Variants in CAMK4 observed in about 807,000 individuals in gnomAD.
CAMK4 encodes calcium/calmodulin-dependent protein kinase type IV.
In CAMK4, 22 loss-of-function variants were observed where a neutral mutation model predicts 44.9. The observed-to-expected ratio is 0.49, with a 90% CI of 0.35 to 0.70. The LOEUF (loss-of-function observed/expected upper bound fraction) is 0.70. Ranked by LOEUF, CAMK4 falls within the 30% of genes least tolerant of loss-of-function variation. CAMK4 has a pLI of 0.01. For missense variants in CAMK4, 498 were observed against 586.8 expected, an observed-to-expected ratio of 0.85 and a Z score of 1.56; for synonymous variants, 218 against 215.4, an observed-to-expected ratio of 1.01 and a Z score of -0.11.
At chr5:111,414,016 G>A (rs1304740275) in intron 5 of CAMK4, among the ~76,000 whole-genome samples, 2 of 151,960 alleles carry the variant, frequency 1.3e-5, no homozygotes, top group East Asian at 1.9e-4. Context: ...TTATGATAGC[G>A]AGAACACTAT....
At position 111,488,712 on chromosome 5, in the gene CAMK4, T is replaced by A. The variant is rs530491855; in HGVS notation, c.*4246T>A. On this transcript the variant is annotated 3_prime_UTR_variant, in exon 11 of 11. Transcript: ENST00000282356. The stretch of plus-strand genomic sequence containing the variant: ...ACTTAGTAAGCCATTTATTTTGTTT[T>A]AGAATTGTTTTTGCAAAGCAAATTT... The A allele has an allele frequency of 2.6e-5, 4 of 152,226 alleles. No homozygotes were observed. Among genetic ancestry groups the A allele is most frequent in the Non-Finnish European group, 4.4e-5 (3 of 68,032 alleles). 9.4% of individuals were successfully genotyped at this position (152,226 alleles called of 1,614,324 possible).
At chr5:111,273,737 A>C (rs1750638030) in intron 1 of CAMK4, among the ~76,000 whole-genome samples, 1 of 139,548 alleles carries the variant, frequency 7.2e-6, no homozygotes, top group African/African-American at 2.7e-5. Context: ...ATACATACAC[A>C]CACACACGCT....
intron 1 of CAMK4, among the ~76,000 whole-genome samples, chr5:111,312,018 C>T (rs1222434656): frequency 6.6e-6 from 1 of 152,186 alleles, no homozygotes; most frequent in Non-Finnish European, 1.5e-5. Context: ...GATAGAGTTT[C>T]ATCCTAGAAA....
chr5:111,431,953 C>G (rs975350559), intron 5 of CAMK4, among the ~76,000 whole-genome samples: 1 of 151,896 alleles, frequency 6.6e-6, no homozygotes, highest in African/African-American at 2.4e-5. Context: ...ACAGGTTCCT[C>G]AAAAAACTAA....
chr5:111,395,645 GAAAT>G (rs2112863863), intron 5 of CAMK4, among the ~76,000 whole-genome samples: 1 of 152,152 alleles, frequency 6.6e-6, no homozygotes, highest in East Asian at 1.9e-4. Context: ...GTTAATGGTG[GAAAT>G]AAATACATAC....
intron 5 of CAMK4, among the ~76,000 whole-genome samples, chr5:111,444,525 T>A (rs1465414408): frequency 6.6e-6 from 1 of 152,132 alleles, no homozygotes; most frequent in Non-Finnish European, 1.5e-5. Flanking sequence ...GAATCCACAC[T>A]GGGCCCATGA....
chr5:111,400,031 C>T (rs1752165689), intron 5 of CAMK4, among the ~76,000 whole-genome samples: 1 of 152,124 alleles, frequency 6.6e-6, no homozygotes, highest in African/African-American at 2.4e-5. Context: ...CCCCACATAA[C>T]ACAGAAGGAT....
chr5:111,243,965 T>A lies in CAMK4; in HGVS notation c.161+19321T>A, dbSNP rs116551496. Reference sequence around the variant, plus strand: ...CAGTCCAGTGTTTTGTTTGTTTGTTTTTGTTTTTTTAATACAGATGAAGAA... The same window carrying A: ...CAGTCCAGTGTTTTGTTTGTTTGTTATTGTTTTTTTAATACAGATGAAGAA... On this transcript the variant is annotated intron_variant, in intron 1 of 10. Transcript: ENST00000282356. Among the ~76,000 whole-genome samples, 517 of 152,326 alleles carry A rather than the reference T, an allele frequency of 3.4e-3. 3 individuals are homozygous for A. Among genetic ancestry groups the A allele is most frequent in the Non-Finnish European group, 6.0e-3 (409 of 68,016 alleles).
At chr5:111,309,053 C>G (rs1748085076) in intron 1 of CAMK4, among the ~76,000 whole-genome samples, 2 of 152,120 alleles carry the variant, frequency 1.3e-5, no homozygotes, top group Non-Finnish European at 2.9e-5. Flanking sequence ...AGACATGGTT[C>G]TTGGACCTGA....
At chr5:111,373,639 T>C (rs1299650134) in intron 2 of CAMK4, among the ~76,000 whole-genome samples, 2 of 152,128 alleles carry the variant, frequency 1.3e-5, no homozygotes, top group African/African-American at 2.4e-5. Context: ...AGGTCAACCT[T>C]TTCTTCCTCA....
chr5:111,473,434 A>C, intron 8 of CAMK4, 48 bp downstream of exon 8: 1 of 1,243,724 alleles, frequency 8.0e-7, no homozygotes. Flanking sequence ...CCTTGCTGTG[A>C]CATTTTCTAG....
intron 6 of CAMK4, 131 bp downstream of exon 6, chr5:111,446,907 A>G: frequency 1.4e-6 from 1 of 702,524 alleles, no homozygotes; most frequent in Non-Finnish European, 2.6e-6. Context: ...GACATCTGTA[A>G]AGGAAATAAT....
chr5:111,270,289 C>T (rs1419679355), intron 1 of CAMK4, among the ~76,000 whole-genome samples: 1 of 152,186 alleles, frequency 6.6e-6, no homozygotes, highest in Non-Finnish European at 1.5e-5. Context: ...AAGGCTTTCA[C>T]CATCCTATCT....
chr5:111,423,067 C>G (rs1019456927), intron 5 of CAMK4, among the ~76,000 whole-genome samples: 2 of 152,134 alleles, frequency 1.3e-5, no homozygotes, highest in African/African-American at 4.8e-5. Flanking sequence ...TAATTATTTA[C>G]AAAATCTTGT....
At chr5:111,467,934 T>TCA (rs60254627) in intron 7 of CAMK4, among the ~76,000 whole-genome samples, 25,624 of 143,250 alleles carry the variant, frequency 0.18, 2,318 homozygotes, top group East Asian at 0.31. Flanking sequence ...AAAGAAATTG[T>TCA]CACACACACA....
chr5:111,475,129 C>T (rs1755192082), intron 8 of CAMK4, among the ~76,000 whole-genome samples: 1 of 152,136 alleles, frequency 6.6e-6, no homozygotes, highest in Non-Finnish European at 1.5e-5. Context: ...TGCCACTGCA[C>T]TCCAGCCTGG....
intron 2 of CAMK4, among the ~76,000 whole-genome samples, chr5:111,373,014 G>A (rs1450574353): frequency 1.3e-5 from 2 of 152,134 alleles, no homozygotes. Flanking sequence ...GCATTTTTAT[G>A]TGGGATGTTT....
At chr5:111,447,299 T>A (rs555229294) in intron 6 of CAMK4, among the ~76,000 whole-genome samples, 2 of 152,272 alleles carry the variant, frequency 1.3e-5, no homozygotes, top group Non-Finnish European at 2.9e-5. Context: ...GCAGGGTAGA[T>A]GAGGATGGGA....
chr5:111,392,845 C>T (rs974665084), intron 4 of CAMK4, among the ~76,000 whole-genome samples: 1 of 152,120 alleles, frequency 6.6e-6, no homozygotes, highest in Non-Finnish European at 1.5e-5. Flanking sequence ...AAATAAGTCT[C>T]AGGTATTATA....
Sources: gnomAD v4.1 joint callset for allele counts (sites outside exome capture counted in the v4.1 genomes callset) on GRCh38, gnomAD v4.1.1 for gene constraint, MANE v1.5 for transcripts, NCBI Gene and HGNC (gene_info 2026-07-23, HGNC 2026-07-21) for gene names.